The following TBC1D5 variants were observed in gnomAD, a reference collection of about 807,000 sequenced individuals.
TBC1D5 encodes TBC1 domain family member 5.
In TBC1D5, 75 loss-of-function variants were observed where a neutral mutation model predicts 100.3. The ratio of observed to expected loss-of-function variants is 0.75; its 90% CI spans 0.62 to 0.91. The LOEUF (loss-of-function observed/expected upper bound fraction) is 0.91. TBC1D5 is among the 40% of genes least tolerant of loss of function. The pLI, the probability that TBC1D5 is intolerant of heterozygous loss-of-function variation, is 0.00. For synonymous variants in TBC1D5, 323 were observed against 325.6 expected (o/e 0.99, Z 0.09); for missense variants, 910 against 942.4 (o/e 0.97, Z 0.45).
intron 2 of TBC1D5, among the ~76,000 whole-genome samples, chr3:17,555,963 G>A (rs184741158): frequency 1.3e-3 from 205 of 152,234 alleles, no homozygotes; most frequent in Non-Finnish European, 2.5e-3. Flanking sequence ...TCAGTTGATT[G>A]GGGGCTTAGA....
intron 3 of TBC1D5, among the ~76,000 whole-genome samples, chr3:17,485,028 T>G (rs1441013347): frequency 1.3e-5 from 2 of 152,098 alleles, no homozygotes; most frequent in Non-Finnish European, 2.9e-5. Context: ...AGATGAAAAT[T>G]ATATTAGAGA....
intron 17 of TBC1D5, 108 bp downstream of exon 18, chr3:17,233,577 A>C (rs2075608180): frequency 1.6e-6 from 1 of 630,378 alleles, no homozygotes; most frequent in East Asian, 2.9e-5. Flanking sequence ...GTGAATTGAA[A>C]ACAGTATGAA....
At chr3:17,476,597 C>G (rs1394728431) in intron 3 of TBC1D5, among the ~76,000 whole-genome samples, 2 of 151,716 alleles carry the variant, frequency 1.3e-5, no homozygotes, top group Non-Finnish European at 2.9e-5. Flanking sequence ...CTATTAAATA[C>G]TTGAATGACC....
intron 15 of TBC1D5, among the ~76,000 whole-genome samples, chr3:17,264,996 AT>A (rs1465154631): frequency 1.3e-5 from 2 of 152,208 alleles, no homozygotes; most frequent in African/African-American, 4.8e-5. Context: ...CAGGCATTAT[AT>A]TTTTTAAAGC....
chr3:17,487,996 C>G (rs1040218690), intron 3 of TBC1D5, among the ~76,000 whole-genome samples: 2 of 152,108 alleles, frequency 1.3e-5, no homozygotes, highest in Admixed American at 1.3e-4. Flanking sequence ...TATTAAACTC[C>G]ATAGTTTTAC....
intron 21 of TBC1D5, among the ~76,000 whole-genome samples, chr3:17,162,990 AT>A (rs1386016361): frequency 2.0e-5 from 3 of 152,212 alleles, no homozygotes; most frequent in African/African-American, 7.2e-5. Context: ...ATAAAAGAGC[AT>A]GTTTAGCAGG....
chr3:17,439,425 CTAAA>C (rs770849466), intron 3 of TBC1D5, among the ~76,000 whole-genome samples: 2 of 152,050 alleles, frequency 1.3e-5, no homozygotes, highest in African/African-American at 4.8e-5. Flanking sequence ...ATTCCAAAGC[CTAAA>C]TAAAGAAGTG....
intron 3 of TBC1D5, among the ~76,000 whole-genome samples, chr3:17,434,159 T>C (rs570390935): frequency 9.8e-5 from 15 of 152,314 alleles, no homozygotes; most frequent in South Asian, 2.1e-4. Context: ...TTCTAGGGTC[T>C]GGAGAACAGT....
chr3:17,669,572 C>G (rs1397354924), intron 1 of TBC1D5, among the ~76,000 whole-genome samples: 1 of 152,098 alleles, frequency 6.6e-6, no homozygotes, highest in Non-Finnish European at 1.5e-5. Context: ...TCACTATTGC[C>G]TTATCACTCC....
chr3:17,269,194 A>G (rs888172009), intron 15 of TBC1D5, among the ~76,000 whole-genome samples: 6 of 152,276 alleles, frequency 3.9e-5, no homozygotes, highest in Admixed American at 3.9e-4. Flanking sequence ...TAGATGCACA[A>G]GTTTTGGCCC....
rs1298267199 is a variant in TBC1D5 at position 17,214,360 on chromosome 3, A to G, written c.1599T>C (p.Ser533=). The change falls in exon 18 of 22, where the codon TCT becomes TCC. Residue 533 remains serine, a synonymous_variant. Coordinates refer to ENST00000253692, the Ensembl canonical transcript of TBC1D5. ...CGCTTGGAGATGAACTGATGTTTTT[A>G]GAACTTAGCCCTGTAAGAAAAATTA... The G allele has an allele frequency of 3.1e-6, 5 of 1,612,442 alleles. No individual in the cohort carries two copies. In the African/African-American group the frequency reaches 5.3e-5, roughly 17 times the overall value.
chr3:17,497,503 T>A (rs2095729193), intron 3 of TBC1D5, among the ~76,000 whole-genome samples: 1 of 152,220 alleles, frequency 6.6e-6, no homozygotes, highest in Non-Finnish European at 1.5e-5. Flanking sequence ...TATGTGCCCC[T>A]AAGATTCAGT....
intron 15 of TBC1D5, among the ~76,000 whole-genome samples, chr3:17,282,449 G>A (rs1336161881): frequency 6.6e-6 from 1 of 152,166 alleles, no homozygotes; most frequent in African/African-American, 2.4e-5. Context: ...TTGGTTTGTA[G>A]ATTATTCTTT....
At chr3:17,420,814 A>T (rs2094190418) in intron 4 of TBC1D5, among the ~76,000 whole-genome samples, 1 of 152,172 alleles carries the variant, frequency 6.6e-6, no homozygotes, top group Non-Finnish European at 1.5e-5. Flanking sequence ...GTGTTGATTG[A>T]CTCAGAGTAG....
At chr3:17,351,107 A>AGTCAAAATT (rs2090520846) in intron 13 of TBC1D5, among the ~76,000 whole-genome samples, 1 of 152,190 alleles carries the variant, frequency 6.6e-6, no homozygotes, top group African/African-American at 2.4e-5. Context: ...TATTCAATAG[A>AGTCAAAATT]GTCAAAATTT....
chr3:17,436,791 A>G (rs1411307291), intron 3 of TBC1D5, among the ~76,000 whole-genome samples: 1 of 152,234 alleles, frequency 6.6e-6, no homozygotes, highest in East Asian at 1.9e-4. Flanking sequence ...ACTAACATGT[A>G]TGATAGTACA....
chr3:17,435,485 T>A lies in TBC1D5; in HGVS notation c.98-6966A>T, dbSNP rs542683205. Among the ~76,000 whole-genome samples, 158 of 152,246 alleles carry A rather than the reference T, an allele frequency of 1.0e-3. 1 individual carries two copies. Among genetic ancestry groups the A allele is most frequent in the African/African-American group, 3.7e-3 (153 of 41,526 alleles). ...TGTCCTTCTTCATATGGCAGCAGGA[T>A]GGAGAAATGCCAATTAAAAGGGGGA... On this transcript the variant is annotated intron_variant, in intron 3 of 21. Coordinates refer to ENST00000253692, the Ensembl canonical transcript of TBC1D5.
At chr3:17,564,514 G>C (rs2096581742) in intron 2 of TBC1D5, among the ~76,000 whole-genome samples, 1 of 152,134 alleles carries the variant, frequency 6.6e-6, no homozygotes, top group African/African-American at 2.4e-5. Flanking sequence ...TGTACAAAGT[G>C]ACAATGAATG....
intron 8 of TBC1D5, among the ~76,000 whole-genome samples, chr3:17,387,827 G>A (rs1021395709): frequency 6.6e-6 from 1 of 150,742 alleles, no homozygotes; most frequent in African/African-American, 2.4e-5. Flanking sequence ...AATCAACAAT[G>A]ATGTTACAGT....
Sources: allele counts gnomAD v4.1 joint callset (sites outside exome capture counted in the v4.1 genomes callset), GRCh38; gene constraint gnomAD v4.1.1; transcripts MANE v1.5; gene names NCBI Gene and HGNC (gene_info 2026-07-23, HGNC 2026-07-21).